KALRN: variants seen among roughly 807,000 people sequenced by gnomAD.
KALRN encodes kalirin RhoGEF kinase, also known as kalirin.
A neutral mutation model predicts 353.7 loss-of-function variants in KALRN; 70 were observed. That is an observed-to-expected ratio of 0.20 (90% CI 0.16 to 0.24). The LOEUF (loss-of-function observed/expected upper bound fraction) is 0.24. KALRN is among the 10% of genes least tolerant of loss of function. The pLI, the probability that KALRN is intolerant of heterozygous loss-of-function variation, is 1.00. For missense variants in KALRN, 2,791 were observed against 3,756.7 expected (o/e 0.74, Z 6.72); for synonymous variants, 1,391 against 1,434.8 (o/e 0.97, Z 0.69).
intron 10 of KALRN, among the ~76,000 whole-genome samples, chr3:124,382,467 G>T (rs564282094): frequency 5.9e-5 from 9 of 152,178 alleles, no homozygotes; most frequent in African/African-American, 2.2e-4. Context: ...ATGTATTATA[G>T]CAATCAGCCA....
chr3:124,503,321 C>T (rs1400234904), intron 33 of KALRN, among the ~76,000 whole-genome samples: 1 of 152,186 alleles, frequency 6.6e-6, no homozygotes, highest in Non-Finnish European at 1.5e-5. Context: ...TCACATCCCA[C>T]ACCTGACAGC....
At chr3:124,600,119 G>A (rs1218237471) in intron 34 of KALRN, among the ~76,000 whole-genome samples, 2 of 152,246 alleles carry the variant, frequency 1.3e-5, no homozygotes, top group Admixed American at 1.3e-4. Flanking sequence ...ACCAGCCGCG[G>A]GGAAAGAAGA....
intron 33 of KALRN, among the ~76,000 whole-genome samples, chr3:124,562,217 G>T (rs2072132758): frequency 6.6e-6 from 1 of 152,198 alleles, no homozygotes; most frequent in African/African-American, 2.4e-5. Flanking sequence ...TTGAATTGAA[G>T]CCCCATTCTT....
At chr3:124,409,505 C>T (rs1352903919) in intron 13 of KALRN, among the ~76,000 whole-genome samples, 1 of 152,154 alleles carries the variant, frequency 6.6e-6, no homozygotes, top group Non-Finnish European at 1.5e-5. Flanking sequence ...GTGGTCAGGG[C>T]TTAAGCAGAT....
At chr3:124,369,227 T>G (rs1302644341) in intron 10 of KALRN, among the ~76,000 whole-genome samples, 1 of 152,274 alleles carries the variant, frequency 6.6e-6, no homozygotes, top group Non-Finnish European at 1.5e-5. Flanking sequence ...TATTTCTAAA[T>G]GCACTCACAT....
At chr3:124,133,193 A>G (rs1031553023) in intron 1 of KALRN, among the ~76,000 whole-genome samples, 4 of 152,228 alleles carry the variant, frequency 2.6e-5, no homozygotes, top group Non-Finnish European at 1.5e-5. Flanking sequence ...TTAAAACTTC[A>G]GAACTGTTTT....
In KALRN at chr3:124,723,843, G is replaced by A. The variant is rs2150870406; in HGVS notation, c.*4373G>A. 1 of 152,300 alleles carries A rather than the reference G, an allele frequency of 6.6e-6. No individual in the cohort carries two copies. The highest frequency in any genetic ancestry group is 1.9e-4 in the East Asian group (1 of 5,186). 9.4% of individuals were successfully genotyped at this position (152,300 alleles called of 1,614,324 possible). A position where few individuals can be genotyped will look rare whatever the true frequency, so the allele number is the denominator to read the frequency against. ...CTCAAGCTTTATGCTCTGGAAAAAA[G>A]GACAGAGAAGAACCCAACAACCACT... On this transcript the variant is annotated 3_prime_UTR_variant, in exon 60 of 60. Coordinates refer to ENST00000682506, the MANE Select transcript of KALRN (RefSeq NM_001388419.1).
At chr3:124,232,651 C>A (rs2079298544) in intron 2 of KALRN, among the ~76,000 whole-genome samples, 2 of 152,102 alleles carry the variant, frequency 1.3e-5, no homozygotes, top group African/African-American at 2.4e-5. Flanking sequence ...AGGTCTCTTC[C>A]TTTCTGAATA....
intron 27 of KALRN, among the ~76,000 whole-genome samples, chr3:124,480,893 T>C (rs921545024): frequency 2.0e-5 from 3 of 152,230 alleles, no homozygotes; most frequent in Non-Finnish European, 4.4e-5. Flanking sequence ...CTTCATTTCT[T>C]TTTATGTCCA....
chr3:124,671,801 G>C lies in KALRN; in HGVS notation c.6845G>C (p.Ser2282Thr). 6.2e-7 allele frequency: 1 copy of C among 1,614,208 alleles called. No homozygotes were observed. The highest frequency in any genetic ancestry group is 1.1e-5 in the South Asian group (1 of 91,086). The change falls in exon 48 of 60, where the codon AGC becomes ACC. Residue 2282 changes from serine (S) to threonine (T), a missense_variant. By Grantham distance (58) the Ser-to-Thr change is moderately conservative (BLOSUM62 1). This residue lies in a region of KALRN where 1,065 missense variants were observed against 1,156.4 expected (regional missense o/e 0.92). Coordinates refer to ENST00000682506, the MANE Select transcript of KALRN (RefSeq NM_001388419.1). ...TCAGAGAAGCCCCCAAAGGGCTCCAGCTATAACCCACCTCTGCCTCCCCTG... is the reference window on the plus strand; with the variant it reads ...TCAGAGAAGCCCCCAAAGGGCTCCACCTATAACCCACCTCTGCCTCCCCTG... ...AGSEKPPKGS[S>T]YNPPLPPLKI...
chr3:124,211,041 G>A (rs747402998), intron 1 of KALRN, among the ~76,000 whole-genome samples: 3 of 152,194 alleles, frequency 2.0e-5, no homozygotes, highest in Non-Finnish European at 4.4e-5. Context: ...ACAGCATGTG[G>A]ATAATTGTGT....
At chr3:124,152,037 T>G in intron 1 of KALRN, 1 of 1,465,284 alleles carries the variant, frequency 6.8e-7, no homozygotes, top group Non-Finnish European at 9.4e-7. Flanking sequence ...TGGATGGTCT[T>G]TTTCTTCATT....
In KALRN at chr3:124,437,689, C is replaced by CAAAAAAAAAA. The variant is rs397876079; in HGVS notation, c.3049-1182_3049-1173dup. ...TGGGTGAAAAAGCTAGATTCCGTCTCAAAAAAAAAAAAAAAAAAAAAAAAA... is the reference window on the plus strand; with the variant it reads ...TGGGTGAAAAAGCTAGATTCCGTCTCAAAAAAAAAAAAAAAAAAAAAAAAAAAAAAAAAAA... On this transcript the variant is annotated intron_variant, in intron 17 of 59. Coordinates refer to ENST00000682506, the MANE Select transcript of KALRN (RefSeq NM_001388419.1). Among the ~76,000 whole-genome samples the CAAAAAAAAAA allele has an allele frequency of 1.7e-4, 8 of 48,330 alleles. No individual in the cohort carries two copies. In the East Asian group the frequency reaches 3.5e-3, roughly 21 times the overall value. The allele number at this position is 48,330 out of a possible 152,430, so 31.7% of individuals were successfully genotyped here. A position where few individuals can be genotyped will look rare whatever the true frequency, so the allele number is the denominator to read the frequency against.
At chr3:124,626,358 C>G (rs1219887432) in intron 34 of KALRN, among the ~76,000 whole-genome samples, 1 of 152,140 alleles carries the variant, frequency 6.6e-6, no homozygotes, top group Admixed American at 6.5e-5. Context: ...TCAACTATAT[C>G]TGTAATCTTT....
At chr3:124,414,941 G>A (rs929703609) in intron 14 of KALRN, among the ~76,000 whole-genome samples, 2 of 152,222 alleles carry the variant, frequency 1.3e-5, no homozygotes, top group African/African-American at 4.8e-5. Context: ...AAAGTACTGT[G>A]TTTCTTTCGA....
chr3:124,519,922 C>A, intron 33 of KALRN: 1 of 969,084 alleles, frequency 1.0e-6, no homozygotes, highest in Non-Finnish European at 1.2e-6. Context: ...TGCCAAGAAC[C>A]CTTCCCATCC....
intron 10 of KALRN, among the ~76,000 whole-genome samples, chr3:124,363,682 T>G (rs1011199357): frequency 1.2e-4 from 19 of 152,216 alleles, no homozygotes; most frequent in Non-Finnish European, 2.5e-4. Flanking sequence ...AGAGGGAATG[T>G]GCTGACCAGT....
At chr3:124,132,231 C>T (rs1427766399) in intron 1 of KALRN, among the ~76,000 whole-genome samples, 1 of 152,182 alleles carries the variant, frequency 6.6e-6, no homozygotes, top group African/African-American at 2.4e-5. Flanking sequence ...TTTCCTATCC[C>T]TCCAGCCTCC....
chr3:124,649,207 G>A (rs1470391644), intron 37 of KALRN, among the ~76,000 whole-genome samples: 2 of 152,050 alleles, frequency 1.3e-5, no homozygotes, highest in African/African-American at 4.8e-5. Context: ...TTATAAAATG[G>A]ACCATCAGGA....
Sources: allele counts gnomAD v4.1 joint callset (sites outside exome capture counted in the v4.1 genomes callset), GRCh38; gene constraint gnomAD v4.1.1; regional missense constraint gnomAD v4.1.1; transcripts MANE v1.5; gene names NCBI Gene and HGNC (gene_info 2026-07-23, HGNC 2026-07-21).